Variants in ARHGEF38 observed in about 807,000 individuals in gnomAD.
The protein encoded by ARHGEF38 is Rho guanine nucleotide exchange factor 38.
A neutral mutation model predicts 79.9 loss-of-function variants in ARHGEF38; 79 were observed. The observed-to-expected ratio is 0.99, with a 90% CI of 0.82 to 1.19. ARHGEF38 has a LOEUF of 1.19. Ranked by LOEUF, ARHGEF38 falls within the 50% of genes most tolerant of loss-of-function variation. ARHGEF38 has a pLI of 0.00. For synonymous variants in ARHGEF38, 366 were observed against 328.3 expected (o/e 1.11, Z -1.24); for missense variants, 962 against 907.2 (o/e 1.06, Z -0.78).
intron 5 of ARHGEF38, among the ~76,000 whole-genome samples, chr4:105,639,456 A>G (rs1165996953): frequency 6.6e-6 from 1 of 151,972 alleles, no homozygotes; most frequent in African/African-American, 2.4e-5. Flanking sequence ...AGAAATTCCA[A>G]CATTAGTTTA....
chr4:105,563,054 T>A (rs912755422), intron 1 of ARHGEF38, among the ~76,000 whole-genome samples: 8 of 152,048 alleles, frequency 5.3e-5, no homozygotes, highest in African/African-American at 1.9e-4. Flanking sequence ...GCCTGAGAGG[T>A]GCTTTCATCT....
chr4:105,615,500 A>G (rs974577879), intron 3 of ARHGEF38, among the ~76,000 whole-genome samples: 11 of 152,230 alleles, frequency 7.2e-5, no homozygotes, highest in African/African-American at 2.4e-4. Flanking sequence ...TTGTTGATTC[A>G]TGTGCTGAAG....
chr4:105,594,952 CTA>C (rs767476486), intron 2 of ARHGEF38, among the ~76,000 whole-genome samples: 9 of 152,110 alleles, frequency 5.9e-5, no homozygotes, highest in East Asian at 5.8e-4. Flanking sequence ...GAGAGATACT[CTA>C]TGTTTTTGGC....
At position 105,559,393 on chromosome 4, in the gene ARHGEF38, G is replaced by A. The variant is rs1469844132; in HGVS notation, c.196+6432G>A. 2.0e-5 allele frequency among the ~76,000 whole-genome samples: 3 copies of A among 152,214 alleles called. No homozygotes were observed. In the East Asian group the frequency reaches 5.8e-4, roughly 29 times the overall value. On this transcript the variant is annotated intron_variant, in intron 1 of 13. Transcript: ENST00000420470. ...CTCTTAGGCCTAAGGCACAATTGAT[G>A]ATGGGGGTGTTTCTGGAGCTTGATC...
intron 3 of ARHGEF38, among the ~76,000 whole-genome samples, chr4:105,627,477 A>G (rs1260357465): frequency 2.0e-5 from 3 of 152,230 alleles, no homozygotes; most frequent in Admixed American, 1.3e-4. Flanking sequence ...GTATCCAGAC[A>G]TAATATCAAT....
chr4:105,589,344 T>G lies in ARHGEF38; in HGVS notation c.293T>G (p.Ile98Ser), dbSNP rs1727209969. 1 of 1,614,072 alleles carries G rather than the reference T, an allele frequency of 6.2e-7. No homozygotes were observed. Among genetic ancestry groups the G allele is most frequent in the South Asian group, 1.1e-5 (1 of 91,080 alleles). Residue 98 changes from isoleucine (I) to serine (S), a missense_variant, in exon 2 of 14, where the codon ATC becomes AGC. Coordinates refer to ENST00000420470, the MANE Select transcript of ARHGEF38 (RefSeq NM_001242729.2). ...MKRMMAKREK[I>S]IKELIQTEKD... is the part of the protein sequence containing the mutation. ...AGGATGATGGCAAAGCGGGAAAAGATCATTAAGGAGCTGATACAGACAGAA... is the reference window on the plus strand; with the variant it reads ...AGGATGATGGCAAAGCGGGAAAAGAGCATTAAGGAGCTGATACAGACAGAA...
At chr4:105,560,344 A>G (rs1725455511) in intron 1 of ARHGEF38, among the ~76,000 whole-genome samples, 1 of 152,184 alleles carries the variant, frequency 6.6e-6, no homozygotes, top group Non-Finnish European at 1.5e-5. Flanking sequence ...CTTGACACTG[A>G]AACTCATCTT....
chr4:105,610,341 A>T (rs999895586), intron 2 of ARHGEF38, among the ~76,000 whole-genome samples: 1 of 152,122 alleles, frequency 6.6e-6, no homozygotes, highest in Non-Finnish European at 1.5e-5. Flanking sequence ...AGAAAATTTT[A>T]AAAAAGAAAC....
chr4:105,658,164 T>A (rs1730412490), intron 9 of ARHGEF38, among the ~76,000 whole-genome samples: 1 of 152,128 alleles, frequency 6.6e-6, no homozygotes, highest in African/African-American at 2.4e-5. Flanking sequence ...TAAAACAGAA[T>A]GTGTAGGCCA....
intron 1 of ARHGEF38, among the ~76,000 whole-genome samples, chr4:105,572,159 T>A (rs113911864): frequency 7.2e-6 from 1 of 138,158 alleles, no homozygotes; most frequent in Non-Finnish European, 1.5e-5. Context: ...AGAGAAGATC[T>A]GTTTTGTTTA....
chr4:105,553,803 A>T (rs180677597), intron 1 of ARHGEF38, among the ~76,000 whole-genome samples: 1 of 152,228 alleles, frequency 6.6e-6, no homozygotes, highest in East Asian at 1.9e-4. Context: ...GGTCCTCCAG[A>T]ACTTGCCTCT....
intron 2 of ARHGEF38, among the ~76,000 whole-genome samples, chr4:105,603,205 T>C (rs1727898541): frequency 6.6e-6 from 1 of 152,176 alleles, no homozygotes; most frequent in African/African-American, 2.4e-5. Flanking sequence ...CTAAACAACT[T>C]GTTTATATTA....
chr4:105,671,608 G>A (rs1331828832), intron 13 of ARHGEF38, among the ~76,000 whole-genome samples: 1 of 152,192 alleles, frequency 6.6e-6, no homozygotes, highest in African/African-American at 2.4e-5. Flanking sequence ...ATTAACCTCT[G>A]TATTTGTGAT....
intron 2 of ARHGEF38, among the ~76,000 whole-genome samples, chr4:105,599,360 A>C (rs1290457725): frequency 6.6e-6 from 1 of 152,164 alleles, no homozygotes; most frequent in Non-Finnish European, 1.5e-5. Context: ...AGTGAGGATA[A>C]AAATGAATGC....
chr4:105,627,321 A>G (rs984148983), intron 3 of ARHGEF38, among the ~76,000 whole-genome samples: 2 of 152,192 alleles, frequency 1.3e-5, no homozygotes, highest in African/African-American at 4.8e-5. Context: ...GGAGAAATTC[A>G]TCTTGGAGCA....
At position 105,679,922 on chromosome 4, in the gene ARHGEF38, T is replaced by C; in HGVS notation, c.*1985T>C. 1.4e-6 allele frequency: 2 copies of C among 1,398,530 alleles called. No individual in the cohort carries two copies. The highest frequency in any genetic ancestry group is 1.7e-5 in the Admixed American group (1 of 59,132). 86.6% of individuals were successfully genotyped at this position (1,398,530 alleles called of 1,614,324 possible). On this transcript the variant is annotated 3_prime_UTR_variant, in exon 14 of 14. Coordinates refer to ENST00000420470, the MANE Select transcript of ARHGEF38 (RefSeq NM_001242729.2). ...ATTGGTTGCCACCAAAACTTTATAA[T>C]TACCTCTCTGAAGCCTTTTAGTGTA...
At chr4:105,562,053 G>A (rs529826431) in intron 1 of ARHGEF38, among the ~76,000 whole-genome samples, 8 of 152,244 alleles carry the variant, frequency 5.3e-5, no homozygotes, top group African/African-American at 1.9e-4. Context: ...CCTTCTTGGT[G>A]ATACAGGGAG....
intron 5 of ARHGEF38, among the ~76,000 whole-genome samples, chr4:105,638,083 G>A (rs1381359340): frequency 2.0e-5 from 3 of 152,152 alleles, no homozygotes; most frequent in Non-Finnish European, 4.4e-5. Context: ...GTCAAGTGCT[G>A]TGTAATTGTT....
chr4:105,649,846 A>C (rs1730024897), intron 7 of ARHGEF38, among the ~76,000 whole-genome samples: 1 of 152,214 alleles, frequency 6.6e-6, no homozygotes, highest in Non-Finnish European at 1.5e-5. Context: ...AGGAGTCAGC[A>C]CAGGGAAGAA....
Sources: allele counts gnomAD v4.1 joint callset (sites outside exome capture counted in the v4.1 genomes callset), GRCh38; gene constraint gnomAD v4.1.1; transcripts MANE v1.5; gene names NCBI Gene and HGNC (gene_info 2026-07-23, HGNC 2026-07-21).